PUM2: variants seen among roughly 807,000 people sequenced by gnomAD.
The protein encoded by PUM2 is pumilio RNA binding family member 2.
In PUM2, 57 loss-of-function variants were observed where a neutral mutation model predicts 124.5. The ratio of observed to expected loss-of-function variants is 0.46; its 90% confidence interval spans 0.37 to 0.57. PUM2 has a LOEUF of 0.57. Ranked by LOEUF, PUM2 falls within the 20% of genes least tolerant of loss-of-function variation. PUM2 has a pLI of 0.00. For synonymous variants in PUM2, 460 were observed against 446.1 expected (o/e 1.03, Z -0.39); for missense variants, 1,065 against 1,290.6 (o/e 0.83, Z 2.68).
At chr2:20,275,441 TGATGAGG>T (rs1224003040) in intron 13 of PUM2, among the ~76,000 whole-genome samples, 1 of 152,072 alleles carries the variant, frequency 6.6e-6, no homozygotes, top group Non-Finnish European at 1.5e-5. Flanking sequence ...ACCTTACAAC[TGATGAGG>T]GATAGCTATT....
intron 13 of PUM2, among the ~76,000 whole-genome samples, chr2:20,269,256 A>G (rs935025723): frequency 2.0e-5 from 3 of 152,126 alleles, no homozygotes; most frequent in East Asian, 1.9e-4. Flanking sequence ...GCTGGAGTGC[A>G]GTGGCACGGT....
intron 7 of PUM2, among the ~76,000 whole-genome samples, chr2:20,307,731 T>C (rs572420170): frequency 1.1e-4 from 17 of 152,376 alleles, no homozygotes; most frequent in South Asian, 2.1e-4. Context: ...CAACTTCACA[T>C]TGGAGAAAAA....
chr2:20,297,341 G>A (rs576497368), intron 8 of PUM2, among the ~76,000 whole-genome samples: 28 of 152,238 alleles, frequency 1.8e-4, no homozygotes, highest in South Asian at 4.2e-4. Context: ...AGCCAATTAC[G>A]TATACGAGGA....
intron 13 of PUM2, among the ~76,000 whole-genome samples, chr2:20,274,214 A>AG (rs1489374783): frequency 1.3e-5 from 2 of 152,176 alleles, no homozygotes; most frequent in African/African-American, 2.4e-5. Context: ...AGGTGCTTTA[A>AG]GAAAAAAAAC....
chr2:20,302,731 A>C (rs1205062749), intron 7 of PUM2, among the ~76,000 whole-genome samples: 1 of 152,262 alleles, frequency 6.6e-6, no homozygotes, highest in Non-Finnish European at 1.5e-5. Context: ...AGCAGTGACT[A>C]ATGAAAATTC....
chr2:20,267,937 C>T (rs989302139), intron 13 of PUM2, among the ~76,000 whole-genome samples: 3 of 152,134 alleles, frequency 2.0e-5, no homozygotes, highest in African/African-American at 4.8e-5. Context: ...ACTATGGATA[C>T]GAAAGGCAAG....
rs1246554916 is a variant in PUM2, at chr2:20,350,662, C to A, written c.-84G>T. 4.1e-6 allele frequency: 4 copies of A among 985,386 alleles called. No homozygotes were observed. The African/African-American group carries it at 7.0e-5, about 17-fold the overall frequency. The allele number at this position is 985,386 out of a possible 1,614,324, so 61.0% of individuals were successfully genotyped here. A position where few individuals can be genotyped will look rare whatever the true frequency, so the allele number is the denominator to read the frequency against. On this transcript the variant is annotated 5_prime_UTR_variant, in exon 1 of 21. Transcript: ENST00000361078. ...CCGTTGGGCACACGGCGGCGTCGCTCTTGGCGGTCCTCCCCCTCCTCCGCC... is the reference window on the plus strand; with the variant it reads ...CCGTTGGGCACACGGCGGCGTCGCTATTGGCGGTCCTCCCCCTCCTCCGCC...
At chr2:20,278,401 C>T (rs189464474) in intron 13 of PUM2, among the ~76,000 whole-genome samples, 182 bp downstream of exon 13, 149 of 152,088 alleles carry the variant, frequency 9.8e-4, no homozygotes, top group South Asian at 2.1e-3. Flanking sequence ...CCTTATTGTA[C>T]ATTAGACCCT....
chr2:20,302,847 A>C (rs1677326871), intron 7 of PUM2, among the ~76,000 whole-genome samples: 1 of 152,228 alleles, frequency 6.6e-6, no homozygotes, highest in Non-Finnish European at 1.5e-5. Flanking sequence ...CTAAGATAAC[A>C]AAACTGGCTG....
chr2:20,346,786 TG>T (rs1258349094), intron 1 of PUM2, among the ~76,000 whole-genome samples: 1 of 152,340 alleles, frequency 6.6e-6, no homozygotes, highest in African/African-American at 2.4e-5. Context: ...TCCATTTCCC[TG>T]GGCAGTACTG....
rs866033240 is a variant in PUM2 at position 20,252,619 on chromosome 2, A to C, written c.3064-903T>G. Among the ~76,000 whole-genome samples the C allele has an allele frequency of 1.6e-4, 25 of 152,304 alleles. No individual in the cohort carries two copies. In the Middle Eastern group the frequency reaches 0.014, roughly 83 times the overall value. ...TAAGTGTTTTTTTCAGTGTTCTTTC[A>C]GTTTTCTTTATAAGTTTTCCTGCTG... On this transcript the variant is annotated intron_variant, in intron 20 of 20. Transcript: ENST00000361078.
intron 7 of PUM2, among the ~76,000 whole-genome samples, chr2:20,304,949 T>C (rs1420053055): frequency 6.6e-6 from 1 of 152,202 alleles, no homozygotes. Flanking sequence ...TATCGACTAG[T>C]CCTTTTCTAA....
rs1403579360 is a variant in PUM2 at position 20,255,248 on chromosome 2, C to A, written c.2716G>T (p.Glu906Ter). 1 of 1,603,310 alleles carries A rather than the reference C, an allele frequency of 6.2e-7. No individual in the cohort carries two copies. Among genetic ancestry groups the A allele is most frequent in the Non-Finnish European group, 8.5e-7 (1 of 1,170,352 alleles). Reference protein sequence around the residue: ...TAEQTLPILEELHQHTEQLVQ... With the variant: ...TAEQTLPILE ...AACTGCTCTGTATGTTGGTGGAGTT[C>A]TTCTAAGATAGGTAAGGTCTGTTCT... The change falls in exon 18 of 21, where the codon GAA becomes TAA. Residue 906 changes from glutamate to a stop codon, truncating the protein, a stop_gained. Coordinates refer to ENST00000361078, the MANE Select transcript of PUM2 (RefSeq NM_015317.5). LOFTEE classifies it high-confidence loss of function.
intron 1 of PUM2, among the ~76,000 whole-genome samples, chr2:20,330,653 T>A (rs1684718763): frequency 6.6e-6 from 1 of 152,230 alleles, no homozygotes; most frequent in Non-Finnish European, 1.5e-5. Context: ...TTCTTTGTAA[T>A]ATCCTTTATA....
At chr2:20,296,711 T>C (rs1379837656) in intron 8 of PUM2, among the ~76,000 whole-genome samples, 3 of 151,780 alleles carry the variant, frequency 2.0e-5, no homozygotes, top group African/African-American at 4.8e-5. Flanking sequence ...TTCTTGCCTG[T>C]ATAATCAATA....
rs578141654 is a variant in PUM2, at chr2:20,315,025, G to A, written c.161-2602C>T. Among the ~76,000 whole-genome samples, 3 of 146,516 alleles carry A rather than the reference G, an allele frequency of 2.0e-5. No homozygotes were observed. In the East Asian group the frequency reaches 5.9e-4, roughly 29 times the overall value. On this transcript the variant is annotated intron_variant, in intron 3 of 20. Transcript: ENST00000361078. ...GAAAGATGGGCATCAATCCTTCCAA[G>A]TCTTCAAATCAATGCCACCAAAGGA...
intron 10 of PUM2, among the ~76,000 whole-genome samples, chr2:20,288,262 A>T (rs1673173503): frequency 2.0e-5 from 3 of 152,186 alleles, no homozygotes; most frequent in African/African-American, 7.2e-5. Context: ...AAGCAATGAG[A>T]GGTGAAAAGG....
At chr2:20,344,806 C>A (rs915600397) in intron 1 of PUM2, among the ~76,000 whole-genome samples, 2 of 151,714 alleles carry the variant, frequency 1.3e-5, no homozygotes, top group Admixed American at 6.6e-5. Flanking sequence ...CATGGTGAAA[C>A]CCCGTCTCTA....
chr2:20,349,483 C>G (rs1573066297), intron 1 of PUM2, among the ~76,000 whole-genome samples: 1 of 150,496 alleles, frequency 6.6e-6, no homozygotes, highest in Non-Finnish European at 1.5e-5. Flanking sequence ...TAAAAGGAGG[C>G]TAGGAAGAGA....
Sources: gnomAD v4.1 joint callset for allele counts (sites outside exome capture counted in the v4.1 genomes callset) on GRCh38, gnomAD v4.1.1 for gene constraint, MANE v1.5 for transcripts, NCBI Gene and HGNC (gene_info 2026-07-23, HGNC 2026-07-21) for gene names.